The following ASTN2 variants were observed in gnomAD, a reference collection of about 807,000 sequenced individuals.
ASTN2 encodes astrotactin 2, also known as astrotactin-2.
A neutral mutation model predicts 139.8 loss-of-function variants in ASTN2; 54 were observed. That is an observed-to-expected ratio of 0.39 (90% CI 0.31 to 0.48). ASTN2 has a LOEUF of 0.48. ASTN2 is among the 20% of genes least tolerant of loss of function. The pLI is 0.95. For missense variants in ASTN2, 1,565 were observed against 1,725.1 expected (o/e 0.91, Z 1.64); for synonymous variants, 756 against 719.5 (o/e 1.05, Z -0.81).
chr9:117,177,709 T>C (rs1425812466), intron 3 of ASTN2, among the ~76,000 whole-genome samples: 1 of 152,220 alleles, frequency 6.6e-6, no homozygotes, highest in Non-Finnish European at 1.5e-5. Flanking sequence ...ATTGCTAATA[T>C]AATTAACATA....
chr9:116,455,585 T>C (rs1848309289), intron 20 of ASTN2, among the ~76,000 whole-genome samples: 2 of 152,040 alleles, frequency 1.3e-5, no homozygotes, highest in South Asian at 4.1e-4. Flanking sequence ...AAATGATCAA[T>C]GACTACATAA....
At chr9:116,805,865 GCCCCCATTGGGGGTGACC>G in intron 12 of ASTN2, 45 bp from the exon 13 acceptor site, 2 of 1,587,688 alleles carry the variant, frequency 1.3e-6, no homozygotes, top group Non-Finnish European at 8.6e-7. Flanking sequence ...CATCCTGAAT[GCCCCCATTGGGGGTGACC>G]TAAAACCAAG....
intron 1 of ASTN2, among the ~76,000 whole-genome samples, chr9:117,403,236 G>C (rs947793323): frequency 6.6e-6 from 1 of 152,128 alleles, no homozygotes; most frequent in African/African-American, 2.4e-5. Context: ...TAAATAATCT[G>C]GGAACTCTTC....
In ASTN2 at chr9:116,897,194, C is replaced by A. The variant is rs1275375423; in HGVS notation, c.1890-33461G>T. Reference sequence around the variant, plus strand: ...GGTGCAGGTGACAGCTGTCAAGGACCAAATGTAGATGGGAAGGACACATGG... The same window carrying A: ...GGTGCAGGTGACAGCTGTCAAGGACAAAATGTAGATGGGAAGGACACATGG... On this transcript the variant is annotated intron_variant, in intron 10 of 22. Transcript: ENST00000313400. 2.0e-5 allele frequency among the ~76,000 whole-genome samples: 3 copies of A among 152,172 alleles called. No individual in the cohort carries two copies. In the East Asian group the frequency reaches 5.8e-4, roughly 29 times the overall value.
intron 19 of ASTN2, among the ~76,000 whole-genome samples, chr9:116,498,946 T>A (rs1272352953): frequency 1.3e-5 from 2 of 152,216 alleles, no homozygotes; most frequent in Non-Finnish European, 2.9e-5. Flanking sequence ...GATGCTATGC[T>A]GCAGGAAAAT....
chr9:117,000,998 A>C (rs1837176538), intron 7 of ASTN2, among the ~76,000 whole-genome samples: 1 of 152,180 alleles, frequency 6.6e-6, no homozygotes, highest in African/African-American at 2.4e-5. Context: ...TGTGGGTGGC[A>C]CTAATTGTTG....
At chr9:116,982,560 T>A (rs557494516) in intron 7 of ASTN2, among the ~76,000 whole-genome samples, 53 of 150,924 alleles carry the variant, frequency 3.5e-4, no homozygotes, top group African/African-American at 1.2e-3. Flanking sequence ...ATTTTTTTTT[T>A]AAATTATCAT....
intron 22 of ASTN2, among the ~76,000 whole-genome samples, chr9:116,429,339 G>GAAAAAAAAAAAAAAAAAAAAAAAAAA (rs34731241): frequency 1.1e-5 from 1 of 90,854 alleles, no homozygotes; most frequent in Non-Finnish European, 2.0e-5. Flanking sequence ...AACTCTATCT[G>GAAAAAAAAAAAAAAAAAAAAAAAAAA]AAAAAAAAAA....
At chr9:116,840,837 G>A (rs1832224333) in intron 11 of ASTN2, among the ~76,000 whole-genome samples, 2 of 150,852 alleles carry the variant, frequency 1.3e-5, no homozygotes, top group Non-Finnish European at 1.5e-5. Context: ...GGGAAGAGGC[G>A]CTCCTCACTT....
chr9:117,225,569 A>ATT (rs1335058724), intron 2 of ASTN2, among the ~76,000 whole-genome samples: 1 of 117,860 alleles, frequency 8.5e-6, no homozygotes, highest in Non-Finnish European at 1.7e-5. Flanking sequence ...ATATATATAT[A>ATT]TATATACAGA....
Position 117,188,044 on chromosome 9 carries a change from TG to T in ASTN2, c.1015+26313del, listed in dbSNP as rs753635438. Among the ~76,000 whole-genome samples, 4 of 152,174 alleles carry T rather than the reference TG, an allele frequency of 2.6e-5. No individual in the cohort carries two copies. The East Asian group carries it at 5.8e-4, about 22-fold the overall frequency. On this transcript the variant is annotated intron_variant, in intron 3 of 22. Coordinates refer to ENST00000313400, the MANE Select transcript of ASTN2 (RefSeq NM_001365068.1). ...ATTTGCTGGGGTTGGGGGGCGGTCC[TG>T]TGCATTGTAGAATGTTAAGCAGCAT...
At chr9:117,277,299 A>C (rs1834216939) in intron 2 of ASTN2, 1 of 152,242 alleles carries the variant, frequency 6.6e-6, no homozygotes, top group Admixed American at 6.5e-5. Context: ...AGGCATACAT[A>C]GGGTAAGGTT....
chr9:117,160,453 A>G lies in ASTN2; in HGVS notation c.1016-18975T>C, dbSNP rs1310788216. On this transcript the variant is annotated intron_variant, in intron 3 of 22. Transcript: ENST00000313400. ...GGGTAATCACAATAACACAGGACCCATCTCCCTAAAAAGGCCACTAGAGGG... is the reference window on the plus strand; with the variant it reads ...GGGTAATCACAATAACACAGGACCCGTCTCCCTAAAAAGGCCACTAGAGGG... Among the ~76,000 whole-genome samples, 7 of 60,658 alleles carry G rather than the reference A, an allele frequency of 1.2e-4. No homozygotes were observed. In the East Asian group the frequency reaches 2.2e-3, roughly 19 times the overall value. 39.8% of individuals were successfully genotyped at this position (60,658 alleles called of 152,430 possible).
At chr9:116,480,082 G>A (rs1849117876) in intron 20 of ASTN2, among the ~76,000 whole-genome samples, 3 of 151,942 alleles carry the variant, frequency 2.0e-5, no homozygotes, top group Admixed American at 6.6e-5. Flanking sequence ...GAGAGAGAGG[G>A]AGGGAAGCAA....
intron 10 of ASTN2, among the ~76,000 whole-genome samples, chr9:116,889,177 C>T (rs571160152): frequency 1.3e-5 from 2 of 152,048 alleles, no homozygotes; most frequent in Non-Finnish European, 2.9e-5. Flanking sequence ...AGCCATTCTG[C>T]TTGGGCTGGA....
intron 19 of ASTN2, among the ~76,000 whole-genome samples, chr9:116,523,278 A>C (rs1232670653): frequency 6.6e-6 from 1 of 152,102 alleles, no homozygotes; most frequent in Non-Finnish European, 1.5e-5. Context: ...AAAGGTCATC[A>C]AAAGCAGACA....
intron 2 of ASTN2, among the ~76,000 whole-genome samples, chr9:117,230,757 T>C (rs937132644): frequency 6.6e-6 from 1 of 152,156 alleles, no homozygotes; most frequent in African/African-American, 2.4e-5. Flanking sequence ...GTGGCTATTC[T>C]GGGGCAGAGG....
In ASTN2 at chr9:116,693,774, G is replaced by A. The variant is rs894909817; in HGVS notation, c.2806+31997C>T. ...GGCAGCTTACTTAAAGATTTGGAAT[G>A]ATAAGACAATTCCTTTTATTTGTGT... On this transcript the variant is annotated intron_variant, in intron 16 of 22. Coordinates refer to ENST00000313400, the MANE Select transcript of ASTN2 (RefSeq NM_001365068.1). 1.6e-4 allele frequency among the ~76,000 whole-genome samples: 24 copies of A among 152,176 alleles called. 1 individual carries two copies. The highest frequency in any genetic ancestry group is 2.9e-5 in the Non-Finnish European group (2 of 68,028).
chr9:116,580,564 G>A (rs901935581), intron 19 of ASTN2, among the ~76,000 whole-genome samples: 1 of 152,162 alleles, frequency 6.6e-6, no homozygotes, highest in Non-Finnish European at 1.5e-5. Flanking sequence ...TGCTAAGCTG[G>A]TGGCAAGGGA....
Sources: allele counts gnomAD v4.1 joint callset (sites outside exome capture counted in the v4.1 genomes callset), GRCh38; gene constraint gnomAD v4.1.1; transcripts MANE v1.5; gene names NCBI Gene and HGNC (gene_info 2026-07-23, HGNC 2026-07-21).